Variants in TMEM276 observed in about 807,000 individuals in gnomAD.
The protein encoded by TMEM276 is transmembrane protein 276.
chr8:144,466,870 G>A, the TMEM276 span: 2 of 1,536,086 alleles, frequency 1.3e-6, no homozygotes, highest in Non-Finnish European at 1.7e-6. Context: ...CGCGGTGCGA[G>A]GGCGGTGCCG....
At chr8:144,464,922 G>A in the TMEM276 span, 1 of 1,609,772 alleles carries the variant, frequency 6.2e-7, no homozygotes, top group South Asian at 1.1e-5. Flanking sequence ...GCGGCAGTAT[G>A]TACGAGGACA....
the TMEM276 span, chr8:144,466,483 G>A: frequency 3.8e-6 from 5 of 1,320,988 alleles, no homozygotes; most frequent in Admixed American, 3.1e-5. Context: ...GGATGGTGGC[G>A]CCGCGGCGGC....
At chr8:144,464,372 G>A in the TMEM276 span, 13 of 1,610,250 alleles carry the variant, frequency 8.1e-6, no homozygotes, top group Middle Eastern at 1.6e-4. Flanking sequence ...GCCACAGAGC[G>A]GCCCTCAGGG....
the TMEM276 span, chr8:144,466,926 G>A: frequency 2.0e-5 from 31 of 1,576,560 alleles, no homozygotes; most frequent in African/African-American, 3.1e-4. Context: ...CACGTGACCC[G>A]AAATGTCTCC....
chr8:144,465,361 G>A, the TMEM276 span: 1 of 1,068,756 alleles, frequency 9.4e-7, no homozygotes, highest in Non-Finnish European at 1.1e-6. Context: ...ACCGGGCTGC[G>A]CGGTCCCAAC....
At chr8:144,465,387 A>T in the TMEM276 span, 3 of 1,030,778 alleles carry the variant, frequency 2.9e-6, no homozygotes, top group Non-Finnish European at 3.5e-6. Context: ...GGCGAGCGGG[A>T]GGCCCGAGCC....
At chr8:144,465,048 G>A in the TMEM276 span, 33,433 of 1,533,986 alleles carry the variant, frequency 0.022, 424 homozygotes, top group Admixed American at 0.052. Context: ...TGGATGTTAG[G>A]AGAAGTTCAG....
At chr8:144,465,989 GC>G in the TMEM276 span, 1 of 139,576 alleles carries the variant, frequency 7.2e-6, no homozygotes, top group Non-Finnish European at 1.6e-5. Flanking sequence ...TTTGGGCGGG[GC>G]TGCGAGGAGG....
the TMEM276 span, chr8:144,467,000 G>A: frequency 6.3e-7 from 1 of 1,596,470 alleles, no homozygotes; most frequent in Non-Finnish European, 8.5e-7. Flanking sequence ...CGCAGCCGAG[G>A]GCCGCGCGGC....
chr8:144,464,276 C>G, the TMEM276 span: 4 of 1,605,310 alleles, frequency 2.5e-6, no homozygotes, highest in Non-Finnish European at 3.4e-6. Context: ...CCCAGCATCG[C>G]CCCCCCCCAC....
the TMEM276 span, chr8:144,465,528 G>T: frequency 2.9e-6 from 2 of 697,060 alleles, no homozygotes; most frequent in Non-Finnish European, 3.5e-6. Context: ...GGGCTAGAGC[G>T]GCTGGGGGGG....
the TMEM276 span, chr8:144,466,314 C>A: frequency 3.6e-6 from 1 of 275,942 alleles, no homozygotes; most frequent in Non-Finnish European, 6.2e-6. Flanking sequence ...GCCGTGGGGG[C>A]GGCCGTCGCG....
At chr8:144,465,007 C>G in the TMEM276 span, 1 of 1,541,290 alleles carries the variant, frequency 6.5e-7, no homozygotes, top group South Asian at 1.2e-5. Context: ...GCGCGGCACT[C>G]TAGTAAGCCC....
At chr8:144,467,015 G>A in the TMEM276 span, 3 of 1,597,006 alleles carry the variant, frequency 1.9e-6, no homozygotes, top group Admixed American at 1.7e-5. Flanking sequence ...CGCGGCCGCG[G>A]TGTCCCTGGA....
the TMEM276 span, chr8:144,466,783 C>G: frequency 6.5e-7 from 1 of 1,533,500 alleles, no homozygotes; most frequent in Non-Finnish European, 8.7e-7. Flanking sequence ...CCCGGGGTCG[C>G]CGGCGCCCAG....
chr8:144,465,267 T>G, the TMEM276 span: 1 of 1,111,662 alleles, frequency 9.0e-7, no homozygotes, highest in Non-Finnish European at 1.1e-6. Flanking sequence ...GCCTGCTCCC[T>G]GCGTTCCGGG....
chr8:144,465,133 G>A, the TMEM276 span: 2 of 1,456,756 alleles, frequency 1.4e-6, no homozygotes, highest in Non-Finnish European at 1.8e-6. Context: ...CCGGGAAACG[G>A]GGGAAAACGA....
At chr8:144,466,553 C>A in the TMEM276 span, 1 of 1,090,918 alleles carries the variant, frequency 9.2e-7, no homozygotes, top group South Asian at 3.7e-5. Flanking sequence ...CGTCGTCTCC[C>A]GCCGCCTGCC....
At chr8:144,464,266 C>G in the TMEM276 span, 14 of 1,613,320 alleles carry the variant, frequency 8.7e-6, no homozygotes, top group Non-Finnish European at 1.2e-5. Flanking sequence ...GCCTGCCACA[C>G]CCAGCATCGC....
Sources: allele counts gnomAD v4.1 joint callset, GRCh38; gene constraint gnomAD v4.1.1; transcripts MANE v1.5; gene names NCBI Gene and HGNC (gene_info 2026-07-23, HGNC 2026-07-21).